SLC24A2: variants seen among roughly 807,000 people sequenced by gnomAD.
SLC24A2 encodes sodium/potassium/calcium exchanger 2.
SLC24A2 carries 36 observed loss-of-function variants against 62.0 expected under a neutral mutation model. The observed-to-expected ratio is 0.58, with a 90% CI of 0.44 to 0.77. The LOEUF is 0.77. Among genes scored for constraint, SLC24A2 ranks in the 30% least tolerant of loss-of-function variants. The pLI, the probability that SLC24A2 is intolerant of heterozygous loss-of-function variation, is 0.00. For missense variants in SLC24A2, 846 were observed against 817.9 expected (o/e 1.03, Z -0.42); for synonymous variants, 358 against 294.0 (o/e 1.22, Z -2.23).
the SLC24A2 span, among the ~76,000 whole-genome samples, chr9:20,299,849 G>C: frequency 6.6e-6 from 1 of 152,232 alleles, no homozygotes; most frequent in Non-Finnish European, 1.5e-5. Flanking sequence ...CTTATTCCAA[G>C]TGCATTGCTC....
the SLC24A2 span, among the ~76,000 whole-genome samples, chr9:20,103,948 TA>T: frequency 8.5e-5 from 13 of 152,118 alleles, no homozygotes; most frequent in African/African-American, 2.7e-4. Context: ...TTAAAAACTT[TA>T]AAAAAAATTT....
intron 2 of SLC24A2, among the ~76,000 whole-genome samples, chr9:19,739,339 C>T (rs879863331): frequency 2.0e-5 from 3 of 152,118 alleles, no homozygotes; most frequent in African/African-American, 7.2e-5. Context: ...TGAAAGTTGA[C>T]AAGCTAATTT....
the SLC24A2 span, among the ~76,000 whole-genome samples, chr9:20,189,942 G>C: frequency 3.3e-5 from 5 of 152,186 alleles, no homozygotes; most frequent in Non-Finnish European, 5.9e-5. Context: ...GGGGAGGGGA[G>C]ATGGGCTATT....
chr9:20,276,251 C>G, the SLC24A2 span, among the ~76,000 whole-genome samples: 1 of 152,306 alleles, frequency 6.6e-6, no homozygotes, highest in Admixed American at 6.5e-5. Flanking sequence ...AATGGGGATA[C>G]AGGCTTTGGG....
intron 2 of SLC24A2, among the ~76,000 whole-genome samples, chr9:19,702,996 C>T (rs1820402006): frequency 6.6e-6 from 1 of 151,874 alleles, no homozygotes; most frequent in Non-Finnish European, 1.5e-5. Context: ...GCAATGAAAA[C>T]AAAACAATAT....
chr9:20,271,211 G>T, the SLC24A2 span, among the ~76,000 whole-genome samples: 1 of 152,168 alleles, frequency 6.6e-6, no homozygotes, highest in Admixed American at 6.5e-5. Flanking sequence ...CTATTTCGAA[G>T]ATGTTGTCTG....
the SLC24A2 span, among the ~76,000 whole-genome samples, chr9:20,252,976 A>C: frequency 6.6e-6 from 1 of 152,194 alleles, no homozygotes; most frequent in Non-Finnish European, 1.5e-5. Flanking sequence ...AATCTCATCA[A>C]CTAATTTGCT....
At chr9:20,077,223 T>G in the SLC24A2 span, among the ~76,000 whole-genome samples, 6 of 151,940 alleles carry the variant, frequency 3.9e-5, no homozygotes, top group Non-Finnish European at 8.8e-5. Context: ...AGATCTAATA[T>G]AGAACACACA....
In SLC24A2 at chr9:19,513,179, T is replaced by G. The variant is rs1344803410; in HGVS notation, c.*2974A>C. 1.5e-5 allele frequency: 2 copies of G among 134,432 alleles called. No homozygotes were observed. The highest frequency in any genetic ancestry group is 3.2e-5 in the Non-Finnish European group (2 of 63,364). 8.3% of individuals were successfully genotyped at this position (134,432 alleles called of 1,614,324 possible). On this transcript the variant is annotated 3_prime_UTR_variant, in exon 11 of 11. Coordinates refer to ENST00000341998, the MANE Select transcript of SLC24A2 (RefSeq NM_020344.4). ...ATATATATATATATATATATATGTA[T>G]ATATATATATATGTATATATTTATA...
At position 19,577,172 on chromosome 9, in the gene SLC24A2, G is replaced by A. The variant is rs1206417328; in HGVS notation, c.1130-150C>T. 1.9e-5 allele frequency: 14 copies of A among 725,138 alleles called. No individual in the cohort carries two copies. The Admixed American group carries it at 2.8e-4, about 14-fold the overall frequency. 44.9% of individuals were successfully genotyped at this position (725,138 alleles called of 1,614,324 possible). The stretch of plus-strand genomic sequence containing the variant: ...CCCAATGCACCAGGACCTTCCTGAA[G>A]GGTACTTTCTTGCCTTTGTAGATTT... On this transcript the variant is annotated intron_variant, in intron 5 of 10. Transcript: ENST00000341998.
At chr9:19,678,893 T>C (rs544326534) in intron 2 of SLC24A2, among the ~76,000 whole-genome samples, 30 of 152,278 alleles carry the variant, frequency 2.0e-4, no homozygotes, top group African/African-American at 6.3e-4. Context: ...GAGTTGTGAA[T>C]AGGAGGTTAA....
At chr9:19,617,808 G>A (rs535306899) in intron 4 of SLC24A2, among the ~76,000 whole-genome samples, 2 of 152,222 alleles carry the variant, frequency 1.3e-5, no homozygotes, top group East Asian at 3.8e-4. Flanking sequence ...GTTATAAGTA[G>A]AAATGACATA....
the SLC24A2 span, among the ~76,000 whole-genome samples, chr9:20,282,067 A>G: frequency 7.2e-5 from 11 of 152,308 alleles, no homozygotes; most frequent in African/African-American, 2.6e-4. Flanking sequence ...GCCTTTCTAG[A>G]CAAGAATCCT....
chr9:20,125,402 A>G, the SLC24A2 span, among the ~76,000 whole-genome samples: 1 of 152,232 alleles, frequency 6.6e-6, no homozygotes, highest in African/African-American at 2.4e-5. Flanking sequence ...TGCACGTTGC[A>G]TTAATATAAC....
chr9:19,931,449 T>A, the SLC24A2 span, among the ~76,000 whole-genome samples: 1 of 152,264 alleles, frequency 6.6e-6, no homozygotes, highest in South Asian at 2.1e-4. Flanking sequence ...CAAAAATCTA[T>A]TTAGAATGTT....
At chr9:19,542,619 AC>A (rs1362204367) in intron 8 of SLC24A2, among the ~76,000 whole-genome samples, 3 of 152,168 alleles carry the variant, frequency 2.0e-5, no homozygotes, top group African/African-American at 4.8e-5. Context: ...ATCAGTGCCT[AC>A]TTTATTGAGA....
chr9:19,646,201 G>A (rs1818634087), intron 2 of SLC24A2, among the ~76,000 whole-genome samples: 1 of 152,288 alleles, frequency 6.6e-6, no homozygotes, highest in South Asian at 2.1e-4. Flanking sequence ...GTATGTTCTG[G>A]TGCCTATAAA....
At chr9:19,952,342 G>C in the SLC24A2 span, among the ~76,000 whole-genome samples, 1 of 151,900 alleles carries the variant, frequency 6.6e-6, no homozygotes, top group African/African-American at 2.4e-5. Flanking sequence ...ATGACCTATA[G>C]TTCAAGTTTT....
chr9:20,191,725 C>T, the SLC24A2 span, among the ~76,000 whole-genome samples: 2 of 150,688 alleles, frequency 1.3e-5, no homozygotes, highest in East Asian at 1.9e-4. Flanking sequence ...GTGGTAAGTG[C>T]CCTCTAAGGG....
Sources: allele counts gnomAD v4.1 joint callset (sites outside exome capture counted in the v4.1 genomes callset), GRCh38; gene constraint gnomAD v4.1.1; transcripts MANE v1.5; gene names NCBI Gene and HGNC (gene_info 2026-07-23, HGNC 2026-07-21).